Variants in CAD observed in about 807,000 individuals in gnomAD.
CAD encodes multifunctional protein CAD.
Under a neutral mutation model 237.2 loss-of-function variants are expected in CAD, and 81 were observed. The ratio of observed to expected loss-of-function variants is 0.34; its 90% CI spans 0.29 to 0.41. The LOEUF is 0.41. Among genes scored for constraint, CAD ranks in the 10% least tolerant of loss-of-function variants. CAD has a pLI of 1.00. For missense variants in CAD, 2,181 were observed against 2,951.7 expected (o/e 0.74, Z 6.05); for synonymous variants, 1,196 against 1,162.8 (o/e 1.03, Z -0.58).
At chr2:27,231,311 G>A (rs535728210) in intron 15 of CAD, among the ~76,000 whole-genome samples, 157 bp from the exon 16 acceptor site, 3 of 152,126 alleles carry the variant, frequency 2.0e-5, no homozygotes, top group African/African-American at 7.2e-5. Flanking sequence ...CGGCCATTAA[G>A]ATTTCTTAGT....
rs766811730 is a variant in CAD at position 27,226,533 on chromosome 2, C to T, written c.2040C>T (p.Ile680=). ...ATTCTCCTTCTTTGCAGTATTACAT[C>T]ATTGAAGTGAATGCCAGGCTCTCTC... ...ALNPESEQYY[I]IEVNARLSRS... The change falls in exon 14 of 44, where the codon ATC becomes ATT. Residue 680 remains isoleucine (I), a synonymous_variant. Transcript: ENST00000264705. 2 of 1,614,148 alleles carry T rather than the reference C, an allele frequency of 1.2e-6. No individual in the cohort carries two copies. Among genetic ancestry groups the T allele is most frequent in the Non-Finnish European group, 1.7e-6 (2 of 1,180,014 alleles).
Position 27,224,478 on chromosome 2 carries a change from C to T in CAD, c.1242C>T (p.Tyr414=), listed in dbSNP as rs1460130443. The T allele has an allele frequency of 2.5e-6, 4 of 1,613,954 alleles. No homozygotes were observed. The highest frequency in any genetic ancestry group is 3.4e-6 in the Non-Finnish European group (4 of 1,179,984). ...TTGGCCAAGCTGGAGAATTTGACTA[C>T]TCGGGCTCTCAGGTGAGGCATGTTC... ...LSIGQAGEFD[Y]SGSQAIKALK... Residue 414 remains tyrosine, a synonymous_variant, in exon 9 of 44, where the codon TAC becomes TAT. Transcript: ENST00000264705.
At chr2:27,224,245 T>C in intron 8 of CAD, 100 bp from the exon 9 acceptor site, 1 of 1,317,018 alleles carries the variant, frequency 7.6e-7, no homozygotes. Context: ...CTGAGGTGCA[T>C]AATTTGCTCT....
chr2:27,240,426 T>C lies in CAD; in HGVS notation c.5593+65T>C. On this transcript the variant is annotated intron_variant, in intron 35 of 43. Coordinates refer to ENST00000264705, the MANE Select transcript of CAD (RefSeq NM_004341.5). This position sits in a 1 kb window ranked among gnomAD's most constrained non-coding sequence, Gnocchi z 4.6. ...ACAGGATCCACTTCTTCCCAGTGCC[T>C]CGCCTTTCTCTACTTACATGTCCTC... 1 of 1,520,188 alleles carries C rather than the reference T, an allele frequency of 6.6e-7. No individual in the cohort carries two copies. The allele number at this position is 1,520,188 out of a possible 1,614,324, so 94.2% of individuals were successfully genotyped here.
At chr2:27,217,692 C>T in intron 1 of CAD, 59 bp downstream of exon 1, 1 of 1,469,462 alleles carries the variant, frequency 6.8e-7, no homozygotes, top group Non-Finnish European at 9.2e-7. Context: ...CCTCTCCTCC[C>T]AACCTTCCCC....
intron 22 of CAD, 142 bp downstream of exon 22, chr2:27,234,368 T>C (rs146953137): frequency 9.0e-7 from 1 of 1,115,480 alleles, no homozygotes; most frequent in Non-Finnish European, 1.3e-6. Flanking sequence ...TAGCTAGAGC[T>C]CATGGTGTTG....
chr2:27,238,073 C>T lies in CAD; in HGVS notation c.4746C>T (p.Pro1582=), dbSNP rs1572448185. The T allele has an allele frequency of 6.2e-7, 1 of 1,614,178 alleles. No individual in the cohort carries two copies. The highest frequency in any genetic ancestry group is 8.5e-7 in the Non-Finnish European group (1 of 1,180,030). Residue 1582 remains proline (P), a synonymous_variant, in exon 30 of 44, where the codon CCC becomes CCT. Coordinates refer to ENST00000264705, the MANE Select transcript of CAD (RefSeq NM_004341.5). ...GCTCCCAGCATTTCGAGACATGGCC[C>T]TCCCACCTCCCCATTGTGGCTCACG... ...VQWMEHFETW[P]SHLPIVAHAE... is the part of the protein sequence containing the mutation.
intron 11 of CAD, 93 bp from the exon 12 acceptor site, chr2:27,225,612 A>G (rs1675411694): frequency 2.0e-6 from 2 of 989,790 alleles, no homozygotes; most frequent in Non-Finnish European, 1.5e-6. Flanking sequence ...ATGCCCAGCC[A>G]TGTTATTTTC....
In CAD at chr2:27,226,214, C is replaced by T; in HGVS notation, c.1926C>T (p.Asp642=). 1.2e-6 allele frequency: 2 copies of T among 1,614,122 alleles called. No individual in the cohort carries two copies. Among genetic ancestry groups the T allele is most frequent in the South Asian group, 1.1e-5 (1 of 91,082 alleles). Residue 642 remains aspartate, a synonymous_variant, in exon 13 of 44, where the codon GAC becomes GAT. Coordinates refer to ENST00000264705, the MANE Select transcript of CAD (RefSeq NM_004341.5). ...TGGCCCCTAGCCAGACACTGAATGA[C>T]AGGGAGTATCAGCTCCTGAGGCAGA... The part of the protein sequence containing the change: ...IVVAPSQTLN[D]REYQLLRQTA...
chr2:27,238,978 G>A, intron 31 of CAD, 64 bp from the exon 32 acceptor site: 2 of 1,436,778 alleles, frequency 1.4e-6, no homozygotes, highest in Non-Finnish European at 9.4e-7. Flanking sequence ...CAGTCCTGGG[G>A]TGTGAGTGAC....
Position 27,237,268 on chromosome 2 carries a change from C to T in CAD, c.4397-111C>T. On this transcript the variant is annotated intron_variant, in intron 27 of 43. Coordinates refer to ENST00000264705, the MANE Select transcript of CAD (RefSeq NM_004341.5). The surrounding 1 kb of genome is among the most constrained non-coding windows in gnomAD (Gnocchi z 4.0). ...CGAACTCCTGATCTCAGGTGATCTG[C>T]CCACCTCGGCCTCCCAAAGTGCTAG... The T allele has an allele frequency of 4.5e-6, 5 of 1,113,202 alleles. No homozygotes were observed. The highest frequency in any genetic ancestry group is 5.3e-6 in the Non-Finnish European group (4 of 748,228). The allele number at this position is 1,113,202 out of a possible 1,614,324, so 69.0% of individuals were successfully genotyped here.
At chr2:27,228,181 GAAC>G (rs1290521285) in intron 15 of CAD, among the ~76,000 whole-genome samples, 1 of 152,194 alleles carries the variant, frequency 6.6e-6, no homozygotes, top group Non-Finnish European at 1.5e-5. Context: ...CAGAGGAGAT[GAAC>G]AACACTTTAC....
In CAD at chr2:27,243,456, C is replaced by A; in HGVS notation, c.6616C>A (p.Gln2206Lys). 6.2e-7 allele frequency: 1 copy of A among 1,610,156 alleles called. No individual in the cohort carries two copies. The highest frequency in any genetic ancestry group is 8.5e-7 in the Non-Finnish European group (1 of 1,178,876). Residue 2206 changes from glutamine to lysine, a missense_variant, in exon 44 of 44, where the codon CAG becomes AAG. Coordinates refer to ENST00000264705, the MANE Select transcript of CAD (RefSeq NM_004341.5). Reference protein sequence around the residue: ...DSDPRAAYFRQAENGMYIRMA... With the variant: ...DSDPRAAYFRKAENGMYIRMA... ...GGATCCCCGCGCAGCCTACTTCCGCCAGGCTGAGAACGGCATGTACATCCG... is the reference window on the plus strand; with the variant it reads ...GGATCCCCGCGCAGCCTACTTCCGCAAGGCTGAGAACGGCATGTACATCCG...
At chr2:27,230,814 A>G (rs537119716) in intron 15 of CAD, among the ~76,000 whole-genome samples, 6 of 152,222 alleles carry the variant, frequency 3.9e-5, no homozygotes, top group African/African-American at 1.2e-4. Context: ...AAACCCAATA[A>G]CTGGACAGCC....
rs376304534 is a variant in CAD at position 27,239,121 on chromosome 2, C to A, written c.5142C>A (p.Leu1714=). 7.4e-6 allele frequency: 12 copies of A among 1,613,076 alleles called. No individual in the cohort carries two copies. Among genetic ancestry groups the A allele is most frequent in the African/African-American group, 2.7e-5 (2 of 74,908 alleles). The part of the protein sequence containing the change: ...FPGLETMLPL[L]LTAVSEGRLS... ...GGTTAGAGACCATGCTGCCACTACT[C>A]CTGACGGCTGTAAGCGAGGGCCGGC... Residue 1714 remains leucine, a synonymous_variant, in exon 32 of 44, where the codon CTC becomes CTA. Transcript: ENST00000264705. This position sits in a 1 kb window ranked among gnomAD's most constrained non-coding sequence, Gnocchi z 4.0.
Position 27,243,560 on chromosome 2 carries a change from G to T in CAD, c.*42G>T. 1 of 1,477,782 alleles carries T rather than the reference G, an allele frequency of 6.8e-7. No homozygotes were observed. 91.5% of individuals were successfully genotyped at this position (1,477,782 alleles called of 1,614,324 possible). On this transcript the variant is annotated 3_prime_UTR_variant, in exon 44 of 44. Transcript: ENST00000264705. Reference sequence around the variant, plus strand: ...CCTCTTCTCTTTAGGCCCAGCTGCTGGGCAAGGAATTCCAGTGCCTCCTAC... The same window carrying T: ...CCTCTTCTCTTTAGGCCCAGCTGCTTGGCAAGGAATTCCAGTGCCTCCTAC...
chr2:27,222,232 C>T lies in CAD; in HGVS notation c.391C>T (p.Gln131Ter). Residue 131 changes from glutamine (Q) to a stop codon, truncating the protein, a stop_gained, in exon 4 of 44, where the codon CAG becomes TAG. Coordinates refer to ENST00000264705, the MANE Select transcript of CAD (RefSeq NM_004341.5). LOFTEE classifies it high-confidence loss of function. ...TRELTKKLRE[Q>*]GSLLGKLVQN... is the part of the protein sequence containing the mutation. The stretch of plus-strand genomic sequence containing the variant: ...GGAGCTGACCAAGAAGTTGCGGGAA[C>T]AGGGGTCTCTGCTGGGGAAGCTGGT... The T allele has an allele frequency of 2.5e-6, 4 of 1,614,058 alleles. No individual in the cohort carries two copies. The highest frequency in any genetic ancestry group is 3.4e-6 in the Non-Finnish European group (4 of 1,179,994).
intron 15 of CAD, among the ~76,000 whole-genome samples, 166 bp from the exon 16 acceptor site, chr2:27,231,302 G>A (rs747053588): frequency 2.0e-4 from 31 of 152,144 alleles, no homozygotes; most frequent in Non-Finnish European, 4.1e-4. Context: ...CACTGCGCCC[G>A]GCCATTAAGA....
chr2:27,224,707 C>T, intron 9 of CAD, 38 bp from the exon 10 acceptor site: 2 of 1,613,904 alleles, frequency 1.2e-6, no homozygotes, highest in Non-Finnish European at 1.7e-6. Context: ...AATTTTGCTT[C>T]TTCAGCAGAG....
Sources: allele counts gnomAD v4.1 joint callset (sites outside exome capture counted in the v4.1 genomes callset), GRCh38; gene constraint gnomAD v4.1.1; non-coding constraint Gnocchi (gnomAD v3.1); transcripts MANE v1.5; gene names NCBI Gene and HGNC (gene_info 2026-07-23, HGNC 2026-07-21).